The following TPGS2 variants were observed in gnomAD, a reference collection of about 807,000 sequenced individuals.
The protein encoded by TPGS2 is tubulin polyglutamylase complex subunit 2.
TPGS2 carries 26 observed loss-of-function variants against 31.1 expected under a neutral mutation model. The observed-to-expected ratio is 0.84, with a 90% CI of 0.61 to 1.16. TPGS2 has a LOEUF of 1.16. Ranked by LOEUF, TPGS2 falls within the 50% of genes most tolerant of loss-of-function variation. TPGS2 has a pLI of 0.00. For synonymous variants in TPGS2, 130 were observed against 136.6 expected, an observed-to-expected ratio of 0.95 and a Z score of 0.34; for missense variants, 351 against 363.8, an observed-to-expected ratio of 0.96 and a Z score of 0.29.
chr18:36,789,166 T>G (rs566946444), downstream of TPGS2: 2 of 152,282 alleles, frequency 1.3e-5, no homozygotes, highest in African/African-American at 4.8e-5. Context: ...GCTGCAAAAG[T>G]AATATGTAAA....
rs1316507590 is a variant in TPGS2, at chr18:36,805,378, A to G, written c.378T>C (p.His126=). 2 of 1,613,790 alleles carry G rather than the reference A, an allele frequency of 1.2e-6. No homozygotes were observed. The highest frequency in any genetic ancestry group is 1.1e-5 in the South Asian group (1 of 91,070). ...PTLADLEDDT[H]EASDDQPEKP... is the part of the protein sequence containing the mutation. Reference sequence around the variant, plus strand: ...CCAACCTTGGTATCTTCCTACCTTCATGTGTATCGTCCTCCAGGTCTGCCA... The same window carrying G: ...CCAACCTTGGTATCTTCCTACCTTCGTGTGTATCGTCCTCCAGGTCTGCCA... The change falls in exon 4 of 7, where the codon CAT becomes CAC. Residue 126 remains histidine (H), a synonymous_variant. Transcript: ENST00000334295.
intron 2 of TPGS2, among the ~76,000 whole-genome samples, chr18:36,808,600 T>C (rs1280700934): frequency 1.3e-5 from 2 of 151,982 alleles, no homozygotes; most frequent in South Asian, 2.1e-4. Flanking sequence ...ATTGTGCCAC[T>C]GTACTCCAGC....
chr18:36,826,185 C>A (rs1467927674), intron 1 of TPGS2, among the ~76,000 whole-genome samples: 1 of 152,010 alleles, frequency 6.6e-6, no homozygotes, highest in East Asian at 1.9e-4. Flanking sequence ...CTAAGGCATG[C>A]ACCACCACAC....
chr18:36,795,700 T>TGGG lies in TPGS2; in HGVS notation c.*1102_*1104dup. 1 of 985,452 alleles carries TGGG rather than the reference T, an allele frequency of 1.0e-6. No individual in the cohort carries two copies. Among genetic ancestry groups the TGGG allele is most frequent in the Non-Finnish European group, 1.2e-6 (1 of 829,928 alleles). The allele number at this position is 985,452 out of a possible 1,614,324, so 61.0% of individuals were successfully genotyped here. A position where few individuals can be genotyped will look rare whatever the true frequency, so the allele number is the denominator to read the frequency against. On this transcript the variant is annotated 3_prime_UTR_variant, in exon 7 of 7. Coordinates refer to ENST00000334295, the MANE Select transcript of TPGS2 (RefSeq NM_015476.4). ...GGCTAGAGGTTCCCCCATATGTCAATGGGAAAATGATTTCTGAATTACAGG... is the reference window on the plus strand; with the variant it reads ...GGCTAGAGGTTCCCCCATATGTCAATGGGGGGAAAATGATTTCTGAATTACAGG...
intron 3 of TPGS2, chr18:36,807,509 G>T: frequency 3.5e-6 from 1 of 283,456 alleles, no homozygotes; most frequent in Non-Finnish European, 6.5e-6. Context: ...CCTACCCTGA[G>T]GGGTTTGCTT....
At chr18:36,826,926 T>G (rs2046167199) in intron 1 of TPGS2, among the ~76,000 whole-genome samples, 1 of 152,096 alleles carries the variant, frequency 6.6e-6, no homozygotes, top group Non-Finnish European at 1.5e-5. Flanking sequence ...GTTTGTTGAG[T>G]TTTTTTTAAT....
At chr18:36,784,613 CTAAG>C (rs2044088460) in intron 6 of TPGS2, among the ~76,000 whole-genome samples, 1 of 152,114 alleles carries the variant, frequency 6.6e-6, no homozygotes, top group Non-Finnish European at 1.5e-5. Flanking sequence ...AATGGACTTT[CTAAG>C]TGATTTCTAA....
chr18:36,828,984 G>C lies in TPGS2; in HGVS notation c.-217C>G, dbSNP rs527444347. 2.7e-5 allele frequency: 29 copies of C among 1,079,198 alleles called. No homozygotes were observed. The East Asian group carries it at 5.0e-4, about 19-fold the overall frequency. The allele number at this position is 1,079,198 out of a possible 1,614,324, so 66.9% of individuals were successfully genotyped here. On this transcript the variant is annotated 5_prime_UTR_variant, in exon 1 of 7. Coordinates refer to ENST00000334295, the MANE Select transcript of TPGS2 (RefSeq NM_015476.4). ...CCGGTGCCCCACACCGCACCTCCGGGACGTAGCTTCCCCTTCGCCCCCACC... is the reference window on the plus strand; with the variant it reads ...CCGGTGCCCCACACCGCACCTCCGGCACGTAGCTTCCCCTTCGCCCCCACC...
chr18:36,797,304 T>C (rs568393634), intron 6 of TPGS2, among the ~76,000 whole-genome samples: 3 of 152,226 alleles, frequency 2.0e-5, no homozygotes, highest in East Asian at 3.9e-4. Flanking sequence ...ACTAAGAATC[T>C]GAGCACACCT....
intron 4 of TPGS2, among the ~76,000 whole-genome samples, chr18:36,802,950 T>A (rs1340490402): frequency 1.3e-5 from 2 of 152,128 alleles, no homozygotes; most frequent in African/African-American, 4.8e-5. Flanking sequence ...TTAAAATTTT[T>A]TTAAAGTTTT....
At chr18:36,798,273 GT>G in intron 6 of TPGS2, 175 bp downstream of exon 6, 1 of 1,424,980 alleles carries the variant, frequency 7.0e-7, no homozygotes, top group Non-Finnish European at 9.2e-7. Context: ...AACTAGATGA[GT>G]AAAGTGAGGC....
At chr18:36,821,522 A>T (rs1311572730) in intron 1 of TPGS2, among the ~76,000 whole-genome samples, 1 of 152,246 alleles carries the variant, frequency 6.6e-6, no homozygotes, top group East Asian at 1.9e-4. Flanking sequence ...GAGGTATTTA[A>T]TGAGGACCTG....
At chr18:36,786,088 G>A (rs954009451) in intron 6 of TPGS2, among the ~76,000 whole-genome samples, 2 of 152,180 alleles carry the variant, frequency 1.3e-5, no homozygotes, top group Admixed American at 1.3e-4. Context: ...AAAAGGTGAA[G>A]CAGAGACAGG....
In TPGS2 at chr18:36,828,890, G is replaced by T; in HGVS notation, c.-123C>A. On this transcript the variant is annotated 5_prime_UTR_variant, in exon 1 of 7. The change creates a new upstream start codon in the 5' untranslated region. Coordinates refer to ENST00000334295, the MANE Select transcript of TPGS2 (RefSeq NM_015476.4). ...TCTCGGCGCCTGAAAGCGCGGCGCA[G>T]TGATGATGGGGGCCCGGGGTTGGTC... 1.6e-6 allele frequency: 2 copies of T among 1,223,624 alleles called. No individual in the cohort carries two copies. Among genetic ancestry groups the T allele is most frequent in the Non-Finnish European group, 2.3e-6 (2 of 884,348 alleles). 75.8% of individuals were successfully genotyped at this position (1,223,624 alleles called of 1,614,324 possible). A position where few individuals can be genotyped will look rare whatever the true frequency, so the allele number is the denominator to read the frequency against.
intron 1 of TPGS2, among the ~76,000 whole-genome samples, chr18:36,823,008 G>C (rs2045960812): frequency 6.6e-6 from 1 of 152,164 alleles, no homozygotes; most frequent in Non-Finnish European, 1.5e-5. Context: ...GACGTGCATA[G>C]CATTTGCTCT....
At chr18:36,783,172 C>A in intron 6 of TPGS2, 1 of 397,880 alleles carries the variant, frequency 2.5e-6, no homozygotes, top group Non-Finnish European at 4.4e-6. Flanking sequence ...CTTAGTGGTT[C>A]ATTAGTTTTT....
chr18:36,792,426 T>C (rs2044345575), downstream of TPGS2, among the ~76,000 whole-genome samples: 1 of 152,180 alleles, frequency 6.6e-6, no homozygotes, highest in African/African-American at 2.4e-5. Context: ...TAATAAAAGG[T>C]TTAGAAAAAT....
chr18:36,802,934 T>G (rs1051150301), intron 4 of TPGS2, among the ~76,000 whole-genome samples: 4 of 152,134 alleles, frequency 2.6e-5, no homozygotes, highest in Admixed American at 2.6e-4. Context: ...CCCTCTTTTT[T>G]CTTGATTAAA....
chr18:36,783,216 TC>T (rs1399481182), intron 6 of TPGS2: 1 of 392,136 alleles, frequency 2.6e-6, no homozygotes, highest in Non-Finnish European at 4.5e-6. Context: ...GTTGCTTGTT[TC>T]CCCTCTCTTG....
Sources: gnomAD v4.1 joint callset for allele counts (sites outside exome capture counted in the v4.1 genomes callset) on GRCh38, gnomAD v4.1.1 for gene constraint, MANE v1.5 for transcripts, NCBI Gene and HGNC (gene_info 2026-07-23, HGNC 2026-07-21) for gene names.